Variants in MAPK10 observed in about 807,000 individuals in gnomAD.
The protein encoded by MAPK10 is JNK3 alpha protein kinase.
MAPK10 carries 25 observed loss-of-function variants against 59.3 expected under a neutral mutation model. That is an observed-to-expected ratio of 0.42 (90% CI 0.31 to 0.59). MAPK10 has a LOEUF of 0.59. Ranked by LOEUF, MAPK10 falls within the 20% of genes least tolerant of loss-of-function variation. MAPK10 has a pLI of 0.15. For missense variants in MAPK10, 351 were observed against 568.9 expected (o/e 0.62, Z 3.90); for synonymous variants, 190 against 200.5 (o/e 0.95, Z 0.44).
chr4:86,302,480 T>G (rs1564153947), intron 2 of MAPK10, among the ~76,000 whole-genome samples: 1 of 152,226 alleles, frequency 6.6e-6, no homozygotes, highest in Non-Finnish European at 1.5e-5. Context: ...GAAGCGACTC[T>G]GGACTGACAG....
At chr4:86,554,926 T>A (rs929896767) in intron 1 of MAPK10, among the ~76,000 whole-genome samples, 1 of 152,226 alleles carries the variant, frequency 6.6e-6, no homozygotes, top group Non-Finnish European at 1.5e-5. Context: ...ACTTCTCATA[T>A]ATCTTTTCAA....
chr4:86,363,831 G>A (rs1171369223), upstream of MAPK10, among the ~76,000 whole-genome samples: 1 of 151,928 alleles, frequency 6.6e-6, no homozygotes, highest in Admixed American at 6.6e-5. Context: ...TGCCCAGGTG[G>A]GAGTGCAGTG....
intron 1 of MAPK10, among the ~76,000 whole-genome samples, chr4:86,567,912 G>A (rs992439234): frequency 5.9e-5 from 9 of 151,964 alleles, no homozygotes; most frequent in Non-Finnish European, 8.8e-5. Context: ...GTAAACCTTC[G>A]CAATAAAAAT....
At chr4:86,304,966 G>C (rs994538648) in intron 2 of MAPK10, among the ~76,000 whole-genome samples, 1 of 152,030 alleles carries the variant, frequency 6.6e-6, no homozygotes, top group Non-Finnish European at 1.5e-5. Context: ...AAAATATATG[G>C]TACTTCAGTG....
At chr4:86,446,485 G>C (rs1482851452) in intron 1 of MAPK10, among the ~76,000 whole-genome samples, 2 of 151,976 alleles carry the variant, frequency 1.3e-5, no homozygotes, top group South Asian at 2.1e-4. Flanking sequence ...CAAAGCTCTA[G>C]CATTACAGGC....
At chr4:86,227,828 A>T (rs2090916128) in intron 2 of MAPK10, among the ~76,000 whole-genome samples, 1 of 152,142 alleles carries the variant, frequency 6.6e-6, no homozygotes, top group Non-Finnish European at 1.5e-5. Context: ...TTTAACCCTG[A>T]ATTACTTATG....
intron 4 of MAPK10, among the ~76,000 whole-genome samples, chr4:86,135,700 G>A (rs56221994): frequency 0.025 from 3,830 of 152,072 alleles, 160 homozygotes; most frequent in African/African-American, 0.087. Context: ...TGACTTTGAC[G>A]AGCTGAGAGA....
intron 4 of MAPK10, among the ~76,000 whole-genome samples, chr4:86,146,844 G>A (rs543123467): frequency 6.6e-6 from 1 of 152,238 alleles, no homozygotes; most frequent in Non-Finnish European, 1.5e-5. Context: ...TGAACTGAAG[G>A]ATGTGAAGAA....
At chr4:86,524,188 T>G (rs957876548) in intron 1 of MAPK10, among the ~76,000 whole-genome samples, 7 of 152,194 alleles carry the variant, frequency 4.6e-5, no homozygotes, top group African/African-American at 1.7e-4. Flanking sequence ...AATCTTGAAC[T>G]TTACAGCCAT....
At chr4:86,421,687 G>A (rs114991939) in intron 1 of MAPK10, among the ~76,000 whole-genome samples, 4,150 of 152,250 alleles carry the variant, frequency 0.027, 69 homozygotes, top group South Asian at 0.048. Flanking sequence ...GAACCTGGGC[G>A]CTGGAGCAGA....
At chr4:86,502,060 T>C (rs1031405228) in intron 1 of MAPK10, among the ~76,000 whole-genome samples, 32 of 152,102 alleles carry the variant, frequency 2.1e-4, no homozygotes, top group Non-Finnish European at 4.1e-4. Flanking sequence ...TAAATGGATT[T>C]CATGCCATTT....
In MAPK10 at chr4:86,159,475, A is replaced by G; in HGVS notation, c.67-8T>C. 6.2e-7 allele frequency: 1 copy of G among 1,606,162 alleles called. No individual in the cohort carries two copies. Among genetic ancestry groups the G allele is most frequent in the Non-Finnish European group, 8.5e-7 (1 of 1,175,822 alleles). On this transcript the variant is annotated splice_region_variant and splice_polypyrimidine_tract_variant and intron_variant, in intron 3 of 13. Coordinates refer to ENST00000641462, the MANE Select transcript of MAPK10 (RefSeq NM_138982.4). The stretch of plus-strand genomic sequence containing the variant: ...CACTTGTTTATCGAATCCCTGTCAA[A>G]AAGAAGAACAGCAAAAACATGAGGC...
intron 1 of MAPK10, among the ~76,000 whole-genome samples, chr4:86,499,877 A>G (rs1344444418): frequency 2.0e-5 from 3 of 152,130 alleles, no homozygotes; most frequent in Non-Finnish European, 4.4e-5. Context: ...TAGAAGACAT[A>G]TATGATGTCT....
intron 2 of MAPK10, among the ~76,000 whole-genome samples, chr4:86,235,435 A>G (rs1287044018): frequency 6.6e-6 from 1 of 152,220 alleles, no homozygotes; most frequent in African/African-American, 2.4e-5. Context: ...GCTGGTTCAT[A>G]CAGGTGTGCT....
intron 1 of MAPK10, among the ~76,000 whole-genome samples, chr4:86,480,673 A>C (rs1169268449): frequency 6.6e-6 from 1 of 152,200 alleles, no homozygotes; most frequent in Non-Finnish European, 1.5e-5. Flanking sequence ...GCTGGAGTTC[A>C]ATTTATTAGA....
chr4:86,548,056 T>G (rs561968705), intron 1 of MAPK10, among the ~76,000 whole-genome samples: 3 of 152,256 alleles, frequency 2.0e-5, no homozygotes, highest in Admixed American at 1.3e-4. Flanking sequence ...TTCCACACTG[T>G]GGAATCTTGG....
chr4:86,325,235 T>C (rs2095996752), intron 2 of MAPK10, among the ~76,000 whole-genome samples: 1 of 152,148 alleles, frequency 6.6e-6, no homozygotes, highest in Non-Finnish European at 1.5e-5. Flanking sequence ...TACAGTAATA[T>C]AGGAACAATA....
intron 2 of MAPK10, among the ~76,000 whole-genome samples, chr4:86,324,434 A>C (rs2095975203): frequency 6.6e-6 from 1 of 152,092 alleles, no homozygotes. Context: ...AAAAAAAAAA[A>C]AGATCTGTAA....
chr4:86,028,289 G>A (rs1027541345), intron 13 of MAPK10: 1 of 152,080 alleles, frequency 6.6e-6, no homozygotes, highest in African/African-American at 2.4e-5. Context: ...GAAAAACTTG[G>A]GATAAAACTG....
Sources: gnomAD v4.1 joint callset for allele counts (sites outside exome capture counted in the v4.1 genomes callset) on GRCh38, gnomAD v4.1.1 for gene constraint, MANE v1.5 for transcripts, NCBI Gene and HGNC (gene_info 2026-07-23, HGNC 2026-07-21) for gene names.